Variants in ADAMTS17 observed in about 807,000 individuals in gnomAD.
ADAMTS17 encodes the protein ADAM metallopeptidase with thrombospondin type 1 motif 17.
Under a neutral mutation model 141.5 loss-of-function variants are expected in ADAMTS17, and 113 were observed. The ratio of observed to expected loss-of-function variants is 0.80; its 90% CI spans 0.69 to 0.93. The LOEUF is 0.93. Ranked by LOEUF, ADAMTS17 falls within the 40% of genes least tolerant of loss-of-function variation. The pLI, the probability that ADAMTS17 is intolerant of heterozygous loss-of-function variation, is 0.00. For missense variants in ADAMTS17, 1,659 were observed against 1,517.9 expected (o/e 1.09, Z -1.54); for synonymous variants, 768 against 630.6 (o/e 1.22, Z -3.27).
At chr15:99,991,002 C>A (rs144309845) in intron 20 of ADAMTS17, among the ~76,000 whole-genome samples, 1,550 of 152,240 alleles carry the variant, frequency 0.01, 32 homozygotes, top group African/African-American at 0.036. Context: ...TTTCCTTACA[C>A]CTTGTACAAA....
intron 8 of ADAMTS17, among the ~76,000 whole-genome samples, chr15:100,171,382 A>C (rs1167974190): frequency 8.5e-5 from 13 of 152,152 alleles, no homozygotes; most frequent in Admixed American, 8.5e-4. Context: ...GGGTGGGAGC[A>C]GGGGCAGGAG....
intron 20 of ADAMTS17, chr15:99,978,493 C>T (rs539839150): frequency 6.6e-6 from 1 of 152,384 alleles, no homozygotes; most frequent in Non-Finnish European, 1.5e-5. Context: ...CACTTCATGC[C>T]TTGTTCCTTT....
intron 12 of ADAMTS17, among the ~76,000 whole-genome samples, chr15:100,125,571 T>C (rs1214406309): frequency 6.6e-6 from 1 of 152,102 alleles, no homozygotes; most frequent in Non-Finnish European, 1.5e-5. Context: ...TGGCTTTTCA[T>C]ACAAGTGCAT....
At position 100,341,137 on chromosome 15, in the gene ADAMTS17, G is replaced by GGC; in HGVS notation, c.350_351dup (p.Arg118AlafsTer46). ...AAGCACAGCTCGGCGGGGCGGCCGC[G>GGC]GCGCCGGGCCGCGCCCGCCTCCTCC... On this transcript the variant is annotated frameshift_variant, in exon 2 of 22. Coordinates refer to ENST00000268070, the MANE Select transcript of ADAMTS17 (RefSeq NM_139057.4). LOFTEE classifies it high-confidence loss of function. 1 of 1,432,906 alleles carries GGC rather than the reference G, an allele frequency of 7.0e-7. No homozygotes were observed. Among genetic ancestry groups the GGC allele is most frequent in the East Asian group, 3.0e-5 (1 of 33,210 alleles). 88.8% of individuals were successfully genotyped at this position (1,432,906 alleles called of 1,614,324 possible).
chr15:100,062,343 G>C (rs74037346), intron 15 of ADAMTS17, among the ~76,000 whole-genome samples: 4,182 of 140,170 alleles, frequency 0.03, 75 homozygotes, highest in South Asian at 0.077. Context: ...GCTTGGGACA[G>C]GGGGGGATCC....
chr15:100,022,338 C>T (rs906284200), intron 18 of ADAMTS17, among the ~76,000 whole-genome samples: 4 of 152,134 alleles, frequency 2.6e-5, no homozygotes, highest in African/African-American at 7.2e-5. Context: ...ACTAAGGCAG[C>T]GTGTGCTGAG....
In ADAMTS17 at chr15:100,096,469, C is replaced by T. The variant is rs2035765008; in HGVS notation, c.2024G>A (p.Gly675Asp). The change falls in exon 15 of 22, where the codon GGC (glycine) becomes GAC (aspartate). Residue 675 changes from glycine (G) to aspartate (D), a missense_variant. Physicochemically the swap from Gly to Asp is moderately conservative, Grantham distance 94. Coordinates refer to ENST00000268070, the MANE Select transcript of ADAMTS17 (RefSeq NM_139057.4). ...LCVHGKCQKI[G>D]CDGIIGSAAK... ...TGCAGACCCGATGATGCCGTCACAG[C>T]CGATTTTCTAAAGAACCAGAGGGCC... 6.2e-7 allele frequency: 1 copy of T among 1,614,110 alleles called. No homozygotes were observed. The highest frequency in any genetic ancestry group is 8.5e-7 in the Non-Finnish European group (1 of 1,180,010).
intron 8 of ADAMTS17, among the ~76,000 whole-genome samples, chr15:100,187,540 T>TTA (rs1375869953): frequency 1.3e-5 from 2 of 152,206 alleles, no homozygotes; most frequent in Non-Finnish European, 2.9e-5. Flanking sequence ...TTCCTGGACT[T>TTA]TATGGTTTAC....
At chr15:99,978,774 G>C (rs1295309547) in intron 20 of ADAMTS17, 1 of 152,224 alleles carries the variant, frequency 6.6e-6, no homozygotes, top group Non-Finnish European at 1.5e-5. Flanking sequence ...GCAGCTACCT[G>C]GTGAGCTTTG....
chr15:100,260,327 T>C (rs910399920), intron 6 of ADAMTS17, among the ~76,000 whole-genome samples: 5 of 152,096 alleles, frequency 3.3e-5, no homozygotes, highest in African/African-American at 4.8e-5. Context: ...TAACTCTTTG[T>C]GGATGGCCAG....
chr15:100,238,917 CCT>C (rs1419437023), intron 7 of ADAMTS17, among the ~76,000 whole-genome samples: 3 of 152,220 alleles, frequency 2.0e-5, no homozygotes, highest in African/African-American at 7.2e-5. Context: ...CAGGTGAAAC[CCT>C]GTTTCTACTA....
intron 14 of ADAMTS17, among the ~76,000 whole-genome samples, chr15:100,102,250 G>A (rs527237336): frequency 2.6e-5 from 4 of 152,252 alleles, no homozygotes; most frequent in South Asian, 2.1e-4. Flanking sequence ...TTGCCCACTC[G>A]TATTTGAGAA....
Position 99,974,513 on chromosome 15 carries a change from C to T in ADAMTS17, c.3177G>A (p.Arg1059=). ...GGCAGAGGTTCTTTTCTCGGATGAC[C>T]CGGCAATATACCGTCCACTGGTCTC... is the stretch of plus-strand genomic sequence containing the variant. The part of the protein sequence containing the change: ...CTRDQWTVYC[R]VIREKNLCQD... The change falls in exon 22 of 22, where the codon CGG becomes CGA. Residue 1059 remains arginine, a synonymous_variant. Coordinates refer to ENST00000268070, the MANE Select transcript of ADAMTS17 (RefSeq NM_139057.4). 1 of 1,614,180 alleles carries T rather than the reference C, an allele frequency of 6.2e-7. No homozygotes were observed.
chr15:100,156,308 G>A (rs1355534614), intron 8 of ADAMTS17, among the ~76,000 whole-genome samples: 6 of 152,160 alleles, frequency 3.9e-5, no homozygotes, highest in Admixed American at 3.9e-4. Context: ...TAATGGTGGT[G>A]TCTCCCCAAA....
At position 100,030,792 on chromosome 15, in the gene ADAMTS17, A is replaced by G. The variant is rs551987875; in HGVS notation, c.2591+18065T>C. Among the ~76,000 whole-genome samples, 5 of 152,342 alleles carry G rather than the reference A, an allele frequency of 3.3e-5. No individual in the cohort carries two copies. In the South Asian group the frequency reaches 8.3e-4, roughly 25 times the overall value. On this transcript the variant is annotated intron_variant, in intron 18 of 21. Coordinates refer to ENST00000268070, the MANE Select transcript of ADAMTS17 (RefSeq NM_139057.4). ...TTAGTATACTCTGGGACCTGCCCGC[A>G]ATCTTTTACTATCTGGAAAATACCA...
At chr15:100,041,586 T>C (rs2031259997) in intron 18 of ADAMTS17, among the ~76,000 whole-genome samples, 1 of 152,232 alleles carries the variant, frequency 6.6e-6, no homozygotes, top group African/African-American at 2.4e-5. Context: ...TGAAGGCTGC[T>C]GGCCATGGCC....
chr15:100,245,828 C>T (rs2042969271), intron 7 of ADAMTS17, among the ~76,000 whole-genome samples: 1 of 152,176 alleles, frequency 6.6e-6, no homozygotes, highest in Non-Finnish European at 1.5e-5. Context: ...ATGGGAAGCA[C>T]ACACACTGCA....
chr15:100,279,810 G>A (rs183596588), intron 4 of ADAMTS17, among the ~76,000 whole-genome samples: 8 of 152,330 alleles, frequency 5.3e-5, no homozygotes, highest in African/African-American at 1.9e-4. Flanking sequence ...CAACTTGGCT[G>A]TTTCTACAGC....
intron 10 of ADAMTS17, among the ~76,000 whole-genome samples, chr15:100,135,331 T>C (rs1167005911): frequency 6.6e-6 from 1 of 151,602 alleles, no homozygotes; most frequent in Admixed American, 6.6e-5. Context: ...TCGCCCAGGC[T>C]GGAGTGCAGT....
Sources: allele counts gnomAD v4.1 joint callset (sites outside exome capture counted in the v4.1 genomes callset), GRCh38; gene constraint gnomAD v4.1.1; transcripts MANE v1.5; gene names NCBI Gene and HGNC (gene_info 2026-07-23, HGNC 2026-07-21).